The following PDLIM1 variants were observed in gnomAD, a reference collection of about 807,000 sequenced individuals.
PDLIM1 encodes the protein PDZ and LIM domain protein 1.
In PDLIM1, 25 loss-of-function variants were observed where a neutral mutation model predicts 35.2. That is an observed-to-expected ratio of 0.71 (90% CI 0.52 to 0.99). The LOEUF (loss-of-function observed/expected upper bound fraction) is 0.99. Ranked by LOEUF, PDLIM1 falls within the 50% of genes least tolerant of loss-of-function variation. The pLI is 0.00. For synonymous variants in PDLIM1, 152 were observed against 154.0 expected (o/e 0.99, Z 0.10); for missense variants, 363 against 415.3 (o/e 0.87, Z 1.09).
At chr10:95,265,223 AT>A (rs988191233) in intron 3 of PDLIM1, among the ~76,000 whole-genome samples, 2 of 151,278 alleles carry the variant, frequency 1.3e-5, no homozygotes, top group African/African-American at 4.9e-5. Context: ...AAAAAAAAAA[AT>A]CATGAAAACT....
intron 4 of PDLIM1, among the ~76,000 whole-genome samples, chr10:95,261,496 G>A (rs901532782): frequency 3.3e-5 from 5 of 152,134 alleles, no homozygotes; most frequent in Admixed American, 2.6e-4. Context: ...GTATGACACC[G>A]TTTCTCAGGT....
At chr10:95,251,644 T>C (rs2035268892) in intron 4 of PDLIM1, among the ~76,000 whole-genome samples, 1 of 152,312 alleles carries the variant, frequency 6.6e-6, no homozygotes. Flanking sequence ...AAAATTGGAA[T>C]AGAAACGGGG....
At position 95,263,846 on chromosome 10, in the gene PDLIM1, G is replaced by T. The variant is rs1224428316; in HGVS notation, c.533+18C>A. Reference sequence around the variant, plus strand: ...CCCTCCCAGGAGCGGCTCAGAGGAGGACTCCTGGGCTACTTACGGTCTGCT... The same window carrying T: ...CCCTCCCAGGAGCGGCTCAGAGGAGTACTCCTGGGCTACTTACGGTCTGCT... On this transcript the variant is annotated intron_variant, in intron 4 of 6. Transcript: ENST00000329399. The T allele has an allele frequency of 1.9e-6, 3 of 1,594,628 alleles. No individual in the cohort carries two copies. Among genetic ancestry groups the T allele is most frequent in the East Asian group, 2.2e-5 (1 of 44,788 alleles).
Position 95,279,252 on chromosome 10 carries a change from T to C in PDLIM1, c.97-7468A>G, listed in dbSNP as rs557629952. ...AGCCACAGGCTCTACCATGCTCTAC[T>C]GCCCCAGCCACAGAAACCCAGTACC... On this transcript the variant is annotated intron_variant, in intron 1 of 6. Coordinates refer to ENST00000329399, the MANE Select transcript of PDLIM1 (RefSeq NM_020992.4). Among the ~76,000 whole-genome samples the C allele has an allele frequency of 5.9e-5, 9 of 152,276 alleles. No homozygotes were observed. The East Asian group carries it at 1.5e-3, about 26-fold the overall frequency.
At chr10:95,244,423 T>C (rs569366033) in intron 5 of PDLIM1, among the ~76,000 whole-genome samples, 1 of 152,162 alleles carries the variant, frequency 6.6e-6, no homozygotes, top group Non-Finnish European at 1.5e-5. Flanking sequence ...GTGCAGAAAC[T>C]AGAGCTTAGA....
At chr10:95,251,371 G>A (rs1178414785) in intron 4 of PDLIM1, among the ~76,000 whole-genome samples, 2 of 151,964 alleles carry the variant, frequency 1.3e-5, no homozygotes, top group African/African-American at 4.8e-5. Flanking sequence ...TCAGGAGTTC[G>A]AGACCAGCCT....
chr10:95,266,042 A>G (rs1257001271), intron 3 of PDLIM1, among the ~76,000 whole-genome samples: 3 of 151,984 alleles, frequency 2.0e-5, no homozygotes, highest in East Asian at 1.9e-4. Flanking sequence ...CTACTAAAAT[A>G]TAAAAATTAG....
rs2035138655 is a variant in PDLIM1 at position 95,237,809 on chromosome 10, C to T, written c.*116G>A. ...GGCAGGGAGGGGACTCAATGTTTTA[C>T]AAGCAGAGGGAAAACCAAAGTAAGC... On this transcript the variant is annotated 3_prime_UTR_variant, in exon 7 of 7. Coordinates refer to ENST00000329399, the MANE Select transcript of PDLIM1 (RefSeq NM_020992.4). 2 of 817,100 alleles carry T rather than the reference C, an allele frequency of 2.4e-6. No homozygotes were observed. Among genetic ancestry groups the T allele is most frequent in the Non-Finnish European group, 3.9e-6 (2 of 519,160 alleles). 50.6% of individuals were successfully genotyped at this position (817,100 alleles called of 1,614,324 possible).
chr10:95,277,338 G>T (rs928942425), intron 1 of PDLIM1, among the ~76,000 whole-genome samples: 4 of 152,008 alleles, frequency 2.6e-5, no homozygotes, highest in African/African-American at 9.7e-5. Flanking sequence ...GAATAAATGG[G>T]GACAGGCACA....
intron 4 of PDLIM1, among the ~76,000 whole-genome samples, chr10:95,256,986 A>AAAAAAAAGAAAGAAAGAAAG (rs1554832103): frequency 1.6e-5 from 1 of 61,658 alleles, no homozygotes; most frequent in Admixed American, 2.0e-4. Flanking sequence ...AAAAAAAAAA[A>AAAAAAAAGAAAGAAAGAAAG]AAAGAAAGAA....
rs2035388843 is a variant in PDLIM1 at position 95,263,970 on chromosome 10, G to A, written c.427C>T (p.Gln143Ter). The A allele has an allele frequency of 1.2e-6, 2 of 1,613,876 alleles. No individual in the cohort carries two copies. ...SSTTARVITN[Q>*]YNNPAGLYSS... The stretch of plus-strand genomic sequence containing the variant: ...TAGAGGCCAGCTGGGTTGTTGTACT[G>A]GTTTGTGATGACCCTGGCAGTAGTG... Residue 143 changes from glutamine to a stop codon, truncating the protein, a stop_gained, in exon 4 of 7, where the codon CAG becomes TAG. Transcript: ENST00000329399. LOFTEE classifies it high-confidence loss of function.
intron 4 of PDLIM1, among the ~76,000 whole-genome samples, chr10:95,261,154 C>G (rs543107586): frequency 3.9e-5 from 6 of 152,306 alleles, no homozygotes; most frequent in Middle Eastern, 3.4e-3. Flanking sequence ...CTGGTAGTTT[C>G]AGACTCAGAG....
intron 3 of PDLIM1, among the ~76,000 whole-genome samples, chr10:95,265,433 A>T (rs756994972): frequency 5.9e-5 from 9 of 151,844 alleles, no homozygotes; most frequent in Admixed American, 1.3e-4. Flanking sequence ...CATCTCTACT[A>T]AAAATACAAA....
At chr10:95,268,640 A>G (rs2035435069) in intron 3 of PDLIM1, 138 bp downstream of exon 3, 1 of 672,082 alleles carries the variant, frequency 1.5e-6, no homozygotes, top group African/African-American at 1.8e-5. Context: ...ACTGAACAAG[A>G]GCCAGATACC....
At chr10:95,261,765 T>C (rs923783796) in intron 4 of PDLIM1, among the ~76,000 whole-genome samples, 3 of 152,080 alleles carry the variant, frequency 2.0e-5, no homozygotes, top group Non-Finnish European at 4.4e-5. Flanking sequence ...GCCCAGCACT[T>C]TGGGAGGCCG....
At chr10:95,285,063 C>G (rs1322578464) in intron 1 of PDLIM1, among the ~76,000 whole-genome samples, 2 of 152,184 alleles carry the variant, frequency 1.3e-5, no homozygotes, top group South Asian at 4.1e-4. Context: ...CTTCATCTAC[C>G]ACAAGAACCA....
chr10:95,290,670 C>G lies in PDLIM1; in HGVS notation c.96+150G>C. 1 of 403,904 alleles carries G rather than the reference C, an allele frequency of 2.5e-6. No individual in the cohort carries two copies. The highest frequency in any genetic ancestry group is 4.3e-6 in the Non-Finnish European group (1 of 231,902). 25.0% of individuals were successfully genotyped at this position (403,904 alleles called of 1,614,324 possible). ...AGGGGCGGCGGGGAGCGGCGGGGCC[C>G]GGGCGCGCGGAGAGCGCTCAACTAA... On this transcript the variant is annotated intron_variant, in intron 1 of 6. Transcript: ENST00000329399. The surrounding 1 kb of genome is among the most constrained non-coding windows in gnomAD (Gnocchi z 4.7).
At chr10:95,279,822 G>A (rs1190882044) in intron 1 of PDLIM1, among the ~76,000 whole-genome samples, 1 of 152,116 alleles carries the variant, frequency 6.6e-6, no homozygotes, top group African/African-American at 2.4e-5. Context: ...AAACAGTTTT[G>A]GTGGGCAAAG....
At chr10:95,243,201 C>G (rs1260744342) in intron 5 of PDLIM1, among the ~76,000 whole-genome samples, 1 of 152,168 alleles carries the variant, frequency 6.6e-6, no homozygotes, top group Non-Finnish European at 1.5e-5. Flanking sequence ...GTGGCCTGTT[C>G]AGCCCTACAG....
Sources: allele counts gnomAD v4.1 joint callset (sites outside exome capture counted in the v4.1 genomes callset), GRCh38; gene constraint gnomAD v4.1.1; non-coding constraint Gnocchi (gnomAD v3.1); transcripts MANE v1.5; gene names NCBI Gene and HGNC (gene_info 2026-07-23, HGNC 2026-07-21).